Variants in ACAP3 observed in about 807,000 individuals in gnomAD.
ACAP3 encodes ArfGAP with coiled-coil, ankyrin repeat and PH domains 3, also known as arf-GAP with coiled-coil, ANK repeat and PH domain-containing protein 3.
A neutral mutation model predicts 104.1 loss-of-function variants in ACAP3; 56 were observed. The ratio of observed to expected loss-of-function variants is 0.54; its 90% CI spans 0.43 to 0.67. The LOEUF is 0.67. ACAP3 is among the 30% of genes least tolerant of loss of function. The probability of loss-of-function intolerance (pLI) is 0.00; values close to 1 mark genes in which losing one functional copy is unlikely to be tolerated. For missense variants in ACAP3, 1,208 were observed against 1,174.9 expected (o/e 1.03, Z -0.41); for synonymous variants, 628 against 496.2 (o/e 1.27, Z -3.53).
chr1:1,296,884 T>C (rs1163320542), intron 14 of ACAP3, among the ~76,000 whole-genome samples: 3 of 151,350 alleles, frequency 2.0e-5, no homozygotes, highest in Non-Finnish European at 4.4e-5. Flanking sequence ...CACACGCACG[T>C]ACGTGTGCAC....
At position 1,294,827 on chromosome 1, in the gene ACAP3, G is replaced by C; in HGVS notation, c.1814-11C>G. ...TGTCGCTACTCAGACCTGCAGGTCC[G>C]CAGGGAAGGGGGTCCTGAGGGTGGG... On this transcript the variant is annotated splice_polypyrimidine_tract_variant and intron_variant, in intron 19 of 23. Coordinates refer to ENST00000354700, the MANE Select transcript of ACAP3 (RefSeq NM_030649.3). 6.5e-7 allele frequency: 1 copy of C among 1,549,174 alleles called. No homozygotes were observed. The highest frequency in any genetic ancestry group is 8.7e-7 in the Non-Finnish European group (1 of 1,146,292).
intron 1 of ACAP3, chr1:1,305,964 C>G (rs1464557499): frequency 6.6e-6 from 1 of 152,312 alleles, no homozygotes; most frequent in Non-Finnish European, 1.5e-5. Flanking sequence ...CCTGGCCCCC[C>G]AACCTGGCGG....
chr1:1,294,642 G>T lies in ACAP3; in HGVS notation c.1913-14C>A. On this transcript the variant is annotated splice_polypyrimidine_tract_variant and intron_variant, in intron 20 of 23. Transcript: ENST00000354700. ...ACTCTGCACCCTCTGTGGGGAGGGG[G>T]CGGTCAGGGAAAGCAACCCCCGGGG... 6.5e-7 allele frequency: 1 copy of T among 1,530,708 alleles called. No homozygotes were observed. 94.8% of individuals were successfully genotyped at this position (1,530,708 alleles called of 1,614,324 possible).
At position 1,302,799 on chromosome 1, in the gene ACAP3, C is replaced by A. The variant is rs115393821; in HGVS notation, c.279+123G>T. On this transcript the variant is annotated intron_variant, in intron 4 of 23. Transcript: ENST00000354700. ...ACTGACTTGAAAATGTGGGATTCCC[C>A]CCCCCCCCGACTAGAGGAGCAGAAA... The A allele has an allele frequency of 0.023, 6,673 of 284,100 alleles. 411 individuals carry two copies. The highest frequency in any genetic ancestry group is 0.18 in the African/African-American group (6,119 of 34,498). The allele number at this position is 284,100 out of a possible 1,614,324, so 17.6% of individuals were successfully genotyped here. A position where few individuals can be genotyped will look rare whatever the true frequency, so the allele number is the denominator to read the frequency against.
At position 1,303,424 on chromosome 1, in the gene ACAP3, G is replaced by A. The variant is rs1010143684; in HGVS notation, c.106-143C>T. ...ACTCAGGACTCAGTGCCCCGGTGCA[G>A]CTTCCTCACGCCTGGGCCTGCCTGG... On this transcript the variant is annotated intron_variant, in intron 2 of 23. Coordinates refer to ENST00000354700, the MANE Select transcript of ACAP3 (RefSeq NM_030649.3). This position sits in a 1 kb window ranked among gnomAD's most constrained non-coding sequence, Gnocchi z 4.0. 8.7e-6 allele frequency: 10 copies of A among 1,155,156 alleles called. No individual in the cohort carries two copies. The highest frequency in any genetic ancestry group is 1.6e-5 in the African/African-American group (1 of 63,686). The allele number at this position is 1,155,156 out of a possible 1,614,324, so 71.6% of individuals were successfully genotyped here.
rs139954848 is a variant in ACAP3 at position 1,293,846 on chromosome 1, C to G, written c.2337G>C (p.Ala779=). The G allele has an allele frequency of 2.2e-5, 34 of 1,525,580 alleles. No individual in the cohort carries two copies. The East Asian group carries it at 7.0e-4, about 31-fold the overall frequency. 94.5% of individuals were successfully genotyped at this position (1,525,580 alleles called of 1,614,324 possible). Residue 779 remains alanine (A), a synonymous_variant, in exon 23 of 24, where the codon GCG becomes GCC. Transcript: ENST00000354700. ...ACAGTGTCACGATGTCAGCGTTGGC[C>G]GCCTGCACTGCGATGGCCAACGGGT... ...QRDPLAIAVQ[A]ANADIVTLLR...
In ACAP3 at chr1:1,298,480, C is replaced by G; in HGVS notation, c.864-59G>C. The G allele has an allele frequency of 1.9e-6, 3 of 1,581,876 alleles. No homozygotes were observed. In the East Asian group the frequency reaches 6.7e-5, roughly 35 times the overall value. On this transcript the variant is annotated intron_variant, in intron 11 of 23. Coordinates refer to ENST00000354700, the MANE Select transcript of ACAP3 (RefSeq NM_030649.3). ...GGGCCCATCCCAGGGCTGCTGTGAC[C>G]CCTGCCCCCACCTGAGGACCCCACC...
chr1:1,307,772 A>T lies in ACAP3; in HGVS notation c.44T>A (p.Phe15Tyr). Residue 15 changes from phenylalanine (F) to tyrosine (Y), a missense_variant, in exon 1 of 24, where the codon TTC becomes TAC. Physicochemically the swap from Phe to Tyr is conservative, Grantham distance 22. Transcript: ENST00000354700. ...FEECVKDSPRFRATIDEVETD... is the reference protein window; with the variant it reads ...FEECVKDSPRYRATIDEVETD... ...CCGGCGGCCCCGGGCGGCGCACCTG[A>T]AGCGCGGGGAGTCCTTGACGCACTC... The T allele has an allele frequency of 9.1e-7, 1 of 1,095,774 alleles. No individual in the cohort carries two copies. Among genetic ancestry groups the T allele is most frequent in the Non-Finnish European group, 1.1e-6 (1 of 901,414 alleles). 67.9% of individuals were successfully genotyped at this position (1,095,774 alleles called of 1,614,324 possible).
intron 11 of ACAP3, 21 bp downstream of exon 11, chr1:1,298,546 C>T (rs531897186): frequency 3.8e-6 from 6 of 1,583,738 alleles, no homozygotes; most frequent in East Asian, 2.2e-5. Flanking sequence ...ACCCCGCCCC[C>T]ACCTGAGGAA....
At position 1,303,030 on chromosome 1, in the gene ACAP3, C is replaced by T. The variant is rs995764715; in HGVS notation, c.226-55G>A. On this transcript the variant is annotated intron_variant, in intron 3 of 23. Coordinates refer to ENST00000354700, the MANE Select transcript of ACAP3 (RefSeq NM_030649.3). This position sits in a 1 kb window ranked among gnomAD's most constrained non-coding sequence, Gnocchi z 4.0. ...GATGGCAAATCCGGGCCCAGGTCAC[C>T]CAGCCACGCCCTCTGAGCCCCTGGG... 4.4e-6 allele frequency: 7 copies of T among 1,573,490 alleles called. No individual in the cohort carries two copies. In the East Asian group the frequency reaches 7.0e-5, roughly 16 times the overall value.
rs1047315194 is a variant in ACAP3 at position 1,304,200 on chromosome 1, TCACCTCCCCCCG to T, written c.48-69_48-58del. 4.5e-6 allele frequency: 7 copies of T among 1,542,636 alleles called. No individual in the cohort carries two copies. In the African/African-American group the frequency reaches 8.2e-5, roughly 18 times the overall value. The stretch of plus-strand genomic sequence containing the variant: ...CTGCAGCCTCAGCCCCCTCGGGGCT[TCACCTCCCCCCG>T]CACCTCCCTGAGGGGCTCCACCATG... On this transcript the variant is annotated intron_variant, in intron 1 of 23. Coordinates refer to ENST00000354700, the MANE Select transcript of ACAP3 (RefSeq NM_030649.3).
chr1:1,304,179 AGCCTCAGCCCCCTCGGG>A, intron 1 of ACAP3, 36 bp from the exon 2 acceptor site: 2 of 1,549,938 alleles, frequency 1.3e-6, no homozygotes, highest in Non-Finnish European at 1.7e-6. Flanking sequence ...GGTCACCTGC[AGCCTCAGCCCCCTCGGG>A]GCTTCACCTC....
At chr1:1,295,289 ACAGT>A (rs1432685117) in intron 19 of ACAP3, among the ~76,000 whole-genome samples, 154 bp downstream of exon 19, 7 of 152,018 alleles carry the variant, frequency 4.6e-5, no homozygotes, top group East Asian at 1.9e-4. Context: ...CTCACCCCTG[ACAGT>A]CAGGGCCTTG....
In ACAP3 at chr1:1,294,749, C is replaced by T. The variant is rs748320969; in HGVS notation, c.1881G>A (p.Ser627=). 1 of 1,549,628 alleles carries T rather than the reference C, an allele frequency of 6.5e-7. No individual in the cohort carries two copies. The highest frequency in any genetic ancestry group is 2.4e-5 in the East Asian group (1 of 40,900). ...CAGTGACGCTGTCCACCACAGAGCC[C>T]GAGCCGAAAGCCAGGACGTCCGAGC... ...DGSSDVLAFG[S]GSVVDSVTEE... is the part of the protein sequence containing the mutation. The change falls in exon 20 of 24, where the codon TCG becomes TCA. Residue 627 remains serine, a synonymous_variant. Coordinates refer to ENST00000354700, the MANE Select transcript of ACAP3 (RefSeq NM_030649.3).
In ACAP3 at chr1:1,292,867, G is replaced by C. The variant is rs1047908051; in HGVS notation, c.*697C>G. On this transcript the variant is annotated 3_prime_UTR_variant, in exon 24 of 24. Transcript: ENST00000354700. ...TCCGCTACAAAGAACATGAGATGAG[G>C]GCTGCAAAGTGGCAAAGTGGCTTTA... 6.6e-6 allele frequency: 1 copy of C among 152,286 alleles called. No individual in the cohort carries two copies. The highest frequency in any genetic ancestry group is 6.5e-5 in the Admixed American group (1 of 15,288). The allele number at this position is 152,286 out of a possible 1,614,324, so 9.4% of individuals were successfully genotyped here. A position where few individuals can be genotyped will look rare whatever the true frequency, so the allele number is the denominator to read the frequency against.
chr1:1,299,543 G>A, intron 9 of ACAP3, 187 bp from the exon 10 acceptor site: 1 of 796,512 alleles, frequency 1.3e-6, no homozygotes. Context: ...CGGGATGGTG[G>A]CCGGGGCTGC....
At chr1:1,299,545 C>T (rs1027246472) in intron 9 of ACAP3, 189 bp from the exon 10 acceptor site, 20 of 797,108 alleles carry the variant, frequency 2.5e-5, no homozygotes, top group Middle Eastern at 3.8e-4. Context: ...GGATGGTGGC[C>T]GGGGCTGCTG....
At chr1:1,298,949 C>T in intron 10 of ACAP3, 1 of 559,848 alleles carries the variant, frequency 1.8e-6, no homozygotes, top group Non-Finnish European at 3.1e-6. Flanking sequence ...CAGGGACCAG[C>T]AGGCTGCGAT....
At chr1:1,302,074 T>C in intron 4 of ACAP3, 28 bp from the exon 5 acceptor site, 7 of 1,489,218 alleles carry the variant, frequency 4.7e-6, no homozygotes, top group Middle Eastern at 1.8e-4. Context: ...CAGAGATCCT[T>C]GGGGTCTGTC....
Sources: gnomAD v4.1 joint callset for allele counts (sites outside exome capture counted in the v4.1 genomes callset) on GRCh38, gnomAD v4.1.1 for gene constraint, Gnocchi (gnomAD v3.1) non-coding constraint, MANE v1.5 for transcripts, NCBI Gene and HGNC (gene_info 2026-07-23, HGNC 2026-07-21) for gene names.